Variants in IMPG1 observed in about 807,000 individuals in gnomAD.
IMPG1 encodes the protein interphotoreceptor matrix proteoglycan of 150 kDa.
A neutral mutation model predicts 92.0 loss-of-function variants in IMPG1; 85 were observed. That is an observed-to-expected ratio of 0.92 (90% CI 0.78 to 1.11). IMPG1 has a LOEUF of 1.11. IMPG1 is among the 50% of genes least tolerant of loss of function. The pLI, the probability that IMPG1 is intolerant of heterozygous loss-of-function variation, is 0.00. For synonymous variants in IMPG1, 367 were observed against 334.1 expected, an observed-to-expected ratio of 1.10 and a Z score of -1.08; for missense variants, 1,022 against 956.0, an observed-to-expected ratio of 1.07 and a Z score of -0.91.
chr6:75,969,390 G>A (rs1030609540), intron 12 of IMPG1, among the ~76,000 whole-genome samples: 1 of 151,934 alleles, frequency 6.6e-6, no homozygotes, highest in Non-Finnish European at 1.5e-5. Context: ...TGAAATATGT[G>A]TACATATTTC....
intron 4 of IMPG1, among the ~76,000 whole-genome samples, chr6:76,028,201 T>C (rs1783585026): frequency 6.6e-6 from 1 of 152,220 alleles, no homozygotes; most frequent in African/African-American, 2.4e-5. Flanking sequence ...ATTGTGTTCC[T>C]AACTGTAACT....
chr6:76,064,999 G>A (rs774805631), intron 1 of IMPG1, among the ~76,000 whole-genome samples: 4 of 152,026 alleles, frequency 2.6e-5, no homozygotes, highest in Middle Eastern at 3.4e-3. Flanking sequence ...AAAGCACCCA[G>A]AACCAAAGCC....
At chr6:76,042,672 T>C (rs1562381304) in intron 1 of IMPG1, among the ~76,000 whole-genome samples, 1 of 152,098 alleles carries the variant, frequency 6.6e-6, no homozygotes, top group African/African-American at 2.4e-5. Context: ...ATGTATCTTA[T>C]AGTTGCATTT....
At chr6:76,058,344 C>T (rs1784153734) in intron 1 of IMPG1, among the ~76,000 whole-genome samples, 1 of 152,154 alleles carries the variant, frequency 6.6e-6, no homozygotes, top group Admixed American at 6.6e-5. Context: ...TCTATTTTCT[C>T]AGTAAGTAGA....
At chr6:75,991,323 G>A (rs954168600) in intron 12 of IMPG1, among the ~76,000 whole-genome samples, 2 of 151,834 alleles carry the variant, frequency 1.3e-5, no homozygotes, top group African/African-American at 4.8e-5. Context: ...CCCGGGAGGC[G>A]GAGGTTGCAG....
At chr6:75,930,730 A>G (rs2149450086) in intron 15 of IMPG1, among the ~76,000 whole-genome samples, 1 of 152,330 alleles carries the variant, frequency 6.6e-6, no homozygotes, top group Middle Eastern at 3.4e-3. Flanking sequence ...GACCAGCAGC[A>G]TCAGCCCTAC....
intron 1 of IMPG1, among the ~76,000 whole-genome samples, chr6:76,056,754 TG>T (rs1387955439): frequency 1.3e-5 from 2 of 152,194 alleles, no homozygotes; most frequent in African/African-American, 2.4e-5. Context: ...ATTGTGGTTT[TG>T]ATTCACATTC....
At chr6:75,982,631 A>ATG (rs567071928) in intron 12 of IMPG1, among the ~76,000 whole-genome samples, 5 of 151,364 alleles carry the variant, frequency 3.3e-5, no homozygotes, top group Non-Finnish European at 7.4e-5. Flanking sequence ...GTATATATAT[A>ATG]TGTGTGTGTA....
At chr6:76,050,985 A>G (rs1339187704) in intron 1 of IMPG1, among the ~76,000 whole-genome samples, 2 of 152,210 alleles carry the variant, frequency 1.3e-5, no homozygotes, top group Non-Finnish European at 2.9e-5. Context: ...CTTAATGAAT[A>G]AATTAGCACG....
chr6:75,974,335 CTTTCTTTCTT>C (rs1197011821), intron 12 of IMPG1, among the ~76,000 whole-genome samples: 6 of 41,026 alleles, frequency 1.5e-4, no homozygotes, highest in Admixed American at 2.7e-4. Context: ...CTTTCCCTTT[CTTTCTTTCTT>C]TCTTTCTTTC....
Position 75,930,832 on chromosome 6 carries a change from C to T in IMPG1, c.2243+121G>A, listed in dbSNP as rs138058635. Reference sequence around the variant, plus strand: ...CAGGCCCTTTTCTGGGTGATTTCTACACTCACTAAAGTTTAAAAACCATGG... The same window carrying T: ...CAGGCCCTTTTCTGGGTGATTTCTATACTCACTAAAGTTTAAAAACCATGG... On this transcript the variant is annotated intron_variant, in intron 15 of 16. Coordinates refer to ENST00000369950, the MANE Select transcript of IMPG1 (RefSeq NM_001563.4). The T allele has an allele frequency of 1.3e-4, 115 of 870,940 alleles. 1 individual carries two copies. In the East Asian group the frequency reaches 1.5e-3, roughly 12 times the overall value. The allele number at this position is 870,940 out of a possible 1,614,324, so 54.0% of individuals were successfully genotyped here. A position where few individuals can be genotyped will look rare whatever the true frequency, so the allele number is the denominator to read the frequency against.
At chr6:75,969,190 A>G in intron 12 of IMPG1, among the ~76,000 whole-genome samples, 1 of 152,186 alleles carries the variant, frequency 6.6e-6, no homozygotes, top group East Asian at 1.9e-4. Flanking sequence ...GTCAAAGGAT[A>G]TAAAATTTCA....
At chr6:76,020,310 C>G (rs1004453635) in intron 6 of IMPG1, among the ~76,000 whole-genome samples, 1 of 152,194 alleles carries the variant, frequency 6.6e-6, no homozygotes, top group Non-Finnish European at 1.5e-5. Context: ...ATGTTGGTCT[C>G]CCAAGGTGCT....
intron 12 of IMPG1, among the ~76,000 whole-genome samples, chr6:75,982,124 A>T (rs1418936006): frequency 6.6e-6 from 1 of 152,226 alleles, no homozygotes; most frequent in East Asian, 1.9e-4. Flanking sequence ...ACATTAAGCC[A>T]TTAAAAATTC....
intron 14 of IMPG1, among the ~76,000 whole-genome samples, chr6:75,945,722 G>A (rs116872087): frequency 0.011 from 1,659 of 152,252 alleles, 54 homozygotes; most frequent in Admixed American, 0.076. Context: ...ATTTAGGGCT[G>A]GGGATCCCCA....
At position 75,950,748 on chromosome 6, in the gene IMPG1, G is replaced by T. The variant is rs1490104842; in HGVS notation, c.1638C>A (p.Phe546Leu). 1 of 1,613,952 alleles carries T rather than the reference G, an allele frequency of 6.2e-7. No individual in the cohort carries two copies. The highest frequency in any genetic ancestry group is 8.5e-7 in the Non-Finnish European group (1 of 1,179,896). ...LSEYVSVPDHFLEDTTPVSAL... is the reference protein window; with the variant it reads ...LSEYVSVPDHLLEDTTPVSAL... ...CTGAGACAGGAGTGGTATCCTCCAA[G>T]AAATGATCTGGGACAGAAACATATT... The change falls in exon 13 of 17, where the codon TTC becomes TTA. Residue 546 changes from phenylalanine (F) to leucine (L), a missense_variant. Transcript: ENST00000369950.
intron 7 of IMPG1, among the ~76,000 whole-genome samples, chr6:76,013,062 A>G (rs750285097): frequency 6.6e-6 from 1 of 152,112 alleles, no homozygotes; most frequent in Non-Finnish European, 1.5e-5. Flanking sequence ...CACTGCTGAA[A>G]TGGGTTTATG....
In IMPG1 at chr6:75,950,632, G is replaced by A. The variant is rs751000968; in HGVS notation, c.1754C>T (p.Ala585Val). 6 of 1,613,840 alleles carry A rather than the reference G, an allele frequency of 3.7e-6. No homozygotes were observed. The highest frequency in any genetic ancestry group is 5.1e-6 in the Non-Finnish European group (6 of 1,179,830). ...CTTGTTGAACAGGTCGTTGGAGAAG[G>A]CCATGTTAGCAACACGCAGACTGAA... ...VFFSLRVANM[A>V]FSNDLFNKSS... Residue 585 changes from alanine (A) to valine (V), a missense_variant, in exon 13 of 17, where the codon GCC becomes GTC. Physicochemically the swap from Ala to Val is moderately conservative, Grantham distance 64 (BLOSUM62 0). Coordinates refer to ENST00000369950, the MANE Select transcript of IMPG1 (RefSeq NM_001563.4).
chr6:76,024,997 T>C (rs532125552), intron 5 of IMPG1, 197 bp downstream of exon 5: 6 of 621,874 alleles, frequency 9.6e-6, no homozygotes, highest in South Asian at 9.5e-5. Context: ...ATGGTTTGGT[T>C]TTACCTTTAT....
Sources: gnomAD v4.1 joint callset for allele counts (sites outside exome capture counted in the v4.1 genomes callset) on GRCh38, gnomAD v4.1.1 for gene constraint, MANE v1.5 for transcripts, NCBI Gene and HGNC (gene_info 2026-07-23, HGNC 2026-07-21) for gene names.